Variants in MTAP observed in about 807,000 individuals in gnomAD.
MTAP encodes the protein S-methyl-5'-thioadenosine phosphorylase.
In MTAP, 33 loss-of-function variants were observed where a neutral mutation model predicts 33.6. The ratio of observed to expected loss-of-function variants is 0.98; its 90% CI spans 0.74 to 1.31. MTAP has a LOEUF of 1.31. Ranked by LOEUF, MTAP falls within the 40% of genes most tolerant of loss-of-function variation. The probability of loss-of-function intolerance (pLI) is 0.00; values close to 1 mark genes in which losing one functional copy is unlikely to be tolerated. For missense variants in MTAP, 367 were observed against 360.0 expected, an observed-to-expected ratio of 1.02 and a Z score of -0.16; for synonymous variants, 148 against 125.7, an observed-to-expected ratio of 1.18 and a Z score of -1.19.
At chr9:21,834,235 G>A (rs953477868) in intron 4 of MTAP, among the ~76,000 whole-genome samples, 8 of 152,166 alleles carry the variant, frequency 5.3e-5, no homozygotes, top group Admixed American at 2.0e-4. Flanking sequence ...GATTACTCCC[G>A]TTTAAGGAAA....
downstream of MTAP, among the ~76,000 whole-genome samples, chr9:21,939,588 G>A (rs1305835202): frequency 2.0e-5 from 3 of 152,160 alleles, no homozygotes; most frequent in Admixed American, 6.5e-5. Flanking sequence ...TCTGGGCTGG[G>A]CGCAGTATCT....
intron 5 of MTAP, 71 bp from the exon 6 acceptor site, chr9:21,854,560 T>G (rs956288565): frequency 6.8e-7 from 1 of 1,460,234 alleles, no homozygotes; most frequent in Non-Finnish European, 9.1e-7. Context: ...TTGGTAAACA[T>G]TGGGGGGAAG....
At chr9:21,857,018 A>G (rs1587252707) in intron 6 of MTAP, among the ~76,000 whole-genome samples, 2 of 152,184 alleles carry the variant, frequency 1.3e-5, no homozygotes, top group East Asian at 3.9e-4. Context: ...AGCTAGTATA[A>G]TGCTGGCTTG....
At chr9:21,818,891 G>A (rs913906143) in intron 4 of MTAP, among the ~76,000 whole-genome samples, 1 of 152,142 alleles carries the variant, frequency 6.6e-6, no homozygotes, top group African/African-American at 2.4e-5. Context: ...CTGTCTAACT[G>A]AAATTTTGTG....
chr9:21,926,885 A>G (rs1258927355), intron 1 of MTAP, among the ~76,000 whole-genome samples: 1 of 152,204 alleles, frequency 6.6e-6, no homozygotes, highest in Non-Finnish European at 1.5e-5. Context: ...AGCTTTCTCC[A>G]GAATGGATAC....
At chr9:21,888,418 A>G (rs1206213400) in intron 1 of MTAP, among the ~76,000 whole-genome samples, 2 of 152,072 alleles carry the variant, frequency 1.3e-5, no homozygotes, top group Non-Finnish European at 2.9e-5. Context: ...TCAGTGAAGT[A>G]TTGAAGGCCC....
intron 1 of MTAP, chr9:21,892,183 A>T (rs946872390): frequency 6.6e-6 from 1 of 152,206 alleles, no homozygotes; most frequent in African/African-American, 2.4e-5. Context: ...AAGTATATAG[A>T]CTGTTTACAT....
chr9:21,898,246 G>A (rs571329846), intron 1 of MTAP, among the ~76,000 whole-genome samples: 165 of 152,284 alleles, frequency 1.1e-3, no homozygotes, highest in Admixed American at 3.6e-3. Context: ...GTGGATTAAA[G>A]ACTTAAACGT....
At chr9:21,853,192 T>C (rs1410341699) in intron 5 of MTAP, among the ~76,000 whole-genome samples, 1 of 152,114 alleles carries the variant, frequency 6.6e-6, no homozygotes, top group Non-Finnish European at 1.5e-5. Flanking sequence ...CATTCATCTC[T>C]AGAAGCACTG....
intron 1 of MTAP, among the ~76,000 whole-genome samples, chr9:21,874,669 G>A (rs1233676676): frequency 1.3e-5 from 2 of 150,090 alleles, no homozygotes; most frequent in African/African-American, 2.5e-5. Context: ...AAAAACTAGT[G>A]AAAATTATTT....
intron 1 of MTAP, among the ~76,000 whole-genome samples, chr9:21,927,312 G>A (rs1228328865): frequency 6.6e-6 from 1 of 152,166 alleles, no homozygotes; most frequent in Non-Finnish European, 1.5e-5. Context: ...TACCCAAGGA[G>A]GCCCTCAAAA....
chr9:21,864,398 A>T lies in MTAP; in HGVS notation c.*2384A>T. On this transcript the variant is annotated 3_prime_UTR_variant, in exon 8 of 8. Transcript: ENST00000644715. ...AGTATACTAAGTGAACACCATGGTC[A>T]GTTGTGAGCATTTTGGTTTCCGCAA... 1.0e-6 allele frequency: 1 copy of T among 985,194 alleles called. No individual in the cohort carries two copies. Among genetic ancestry groups the T allele is most frequent in the African/African-American group, 1.7e-5 (1 of 57,272 alleles). The allele number at this position is 985,194 out of a possible 1,614,324, so 61.0% of individuals were successfully genotyped here.
intron 1 of MTAP, among the ~76,000 whole-genome samples, chr9:21,809,349 T>C (rs1189037191): frequency 1.3e-5 from 2 of 152,098 alleles, no homozygotes; most frequent in East Asian, 1.9e-4. Context: ...TAAAAATTTA[T>C]GGTCTAGGGG....
At chr9:21,885,675 T>G (rs922096257) in intron 1 of MTAP, among the ~76,000 whole-genome samples, 13 of 152,178 alleles carry the variant, frequency 8.5e-5, no homozygotes, top group African/African-American at 2.9e-4. Context: ...ATGTTTGGTT[T>G]TCTGTTCCTT....
At chr9:21,834,070 A>C (rs914115559) in intron 4 of MTAP, among the ~76,000 whole-genome samples, 4 of 152,068 alleles carry the variant, frequency 2.6e-5, no homozygotes, top group Non-Finnish European at 5.9e-5. Flanking sequence ...AATTTGTTGG[A>C]TACCCTTGAT....
At chr9:21,915,000 T>TTTCCTTCCTTCCTTCCTTCCTTCCTTCC (rs367599453) in intron 1 of MTAP, among the ~76,000 whole-genome samples, 72 of 83,728 alleles carry the variant, frequency 8.6e-4, no homozygotes, top group African/African-American at 2.6e-3. Context: ...CTTTGTTTTC[T>TTTCCTTCCTTCCTTCCTTCCTTCCTTCC]TTCCTTCCTT....
intron 7 of MTAP, chr9:21,860,185 G>A (rs576315635): frequency 1.1e-4 from 16 of 152,334 alleles, no homozygotes; most frequent in African/African-American, 3.6e-4. Context: ...TAATGAGAGA[G>A]CCACAGTTTT....
intron 1 of MTAP, 97 bp downstream of exon 1, chr9:21,802,878 C>T (rs1264520742): frequency 6.6e-7 from 1 of 1,524,228 alleles, no homozygotes; most frequent in East Asian, 2.5e-5. Context: ...TGCGCCCGGC[C>T]CGTGCGTCCC....
intron 1 of MTAP, among the ~76,000 whole-genome samples, chr9:21,888,889 CA>C (rs1818155027): frequency 6.6e-6 from 1 of 152,082 alleles, no homozygotes; most frequent in African/African-American, 2.4e-5. Flanking sequence ...AACTGTGAGG[CA>C]AAAGCATCAT....
Sources: gnomAD v4.1 joint callset for allele counts (sites outside exome capture counted in the v4.1 genomes callset) on GRCh38, gnomAD v4.1.1 for gene constraint, MANE v1.5 for transcripts, NCBI Gene and HGNC (gene_info 2026-07-23, HGNC 2026-07-21) for gene names.